Variants in TTC14 observed in about 807,000 individuals in gnomAD.
The protein encoded by TTC14 is tetratricopeptide repeat domain 14, also known as tetratricopeptide repeat protein 14.
A neutral mutation model predicts 79.9 loss-of-function variants in TTC14; 63 were observed. The observed-to-expected ratio is 0.79, with a 90% CI of 0.64 to 0.97. The LOEUF is 0.97. Ranked by LOEUF, TTC14 falls within the 50% of genes least tolerant of loss-of-function variation. TTC14 has a pLI of 0.00. For missense variants in TTC14, 895 were observed against 894.0 expected (o/e 1.00, Z -0.01); for synonymous variants, 335 against 309.6 (o/e 1.08, Z -0.86).
chr3:180,604,155 A>G (rs527598822), intron 3 of TTC14, 70 bp from the exon 4 acceptor site: 1 of 1,343,634 alleles, frequency 7.4e-7, no homozygotes, highest in South Asian at 1.2e-5. Flanking sequence ...CCAAACAACT[A>G]AGATAAAAGA....
Position 180,602,903 on chromosome 3 carries a change from A to G in TTC14, c.174A>G (p.Arg58=). The change falls in exon 2 of 12, where the codon AGA becomes AGG. Residue 58 remains arginine, a synonymous_variant. Transcript: ENST00000296015. ...TTTTCTTTTTAAGAAAAGAGAAGAG[A>G]GTTGACAACATCGAGATACAGAAAT... The part of the protein sequence containing the change: ...QHPLQGRKEK[R]VDNIEIQKFI... 4 of 1,611,002 alleles carry G rather than the reference A, an allele frequency of 2.5e-6. No homozygotes were observed. The highest frequency in any genetic ancestry group is 3.4e-6 in the Non-Finnish European group (4 of 1,179,274).
downstream of TTC14, chr3:180,615,176 G>A: frequency 2.3e-6 from 2 of 862,992 alleles, no homozygotes; most frequent in Non-Finnish European, 3.4e-6. Flanking sequence ...CATAAGTAAA[G>A]ACATCAAAAA....
Position 180,604,875 on chromosome 3 carries a change from A to G in TTC14, c.725A>G (p.Asn242Ser), listed in dbSNP as rs556435191. 12 of 1,612,482 alleles carry G rather than the reference A, an allele frequency of 7.4e-6. No homozygotes were observed. The Admixed American group carries it at 1.2e-4, about 16-fold the overall frequency. ...YYRRSVELNS[N>S]SLESYENVMQ... ...AGGAGAAGTGTTGAGCTAAATAGCA[A>G]TTCTTTGGAGTCCTATGAAAATGTC... The change falls in exon 6 of 12, where the codon AAT becomes AGT. Residue 242 changes from asparagine (N) to serine (S), a missense_variant. Coordinates refer to ENST00000296015, the MANE Select transcript of TTC14 (RefSeq NM_133462.4).
rs200127188 is a variant in TTC14, at chr3:180,602,250, C to T, written c.-12C>T. 23 of 1,613,370 alleles carry T rather than the reference C, an allele frequency of 1.4e-5. No individual in the cohort carries two copies. Among genetic ancestry groups the T allele is most frequent in the Non-Finnish European group, 1.8e-5 (21 of 1,179,740 alleles). ...TCAGCCCGTCGGCCTCCGGGCCCTG[C>T]ATTCTCTAGCCATGGACCGGGACCT... On this transcript the variant is annotated 5_prime_UTR_variant, in exon 1 of 12. Transcript: ENST00000296015.
rs1191134855 is a variant in TTC14 at position 180,609,810 on chromosome 3, G to C, written c.1581G>C (p.Gln527His). 2 of 1,613,740 alleles carry C rather than the reference G, an allele frequency of 1.2e-6. No individual in the cohort carries two copies. The highest frequency in any genetic ancestry group is 1.7e-5 in the Admixed American group (1 of 59,948). The change falls in exon 12 of 12, where the codon CAG (glutamine) becomes CAC (histidine). Residue 527 changes from glutamine (Q) to histidine (H), a missense_variant. Physicochemically the swap from Gln to His is conservative, Grantham distance 24 (BLOSUM62 0). Transcript: ENST00000296015. ...ATTCATCTAGGGCATCCTCAAATCA[G>C]ATAGATCAGAATAGGAAAGATGAGT... is the stretch of plus-strand genomic sequence containing the variant. ...RRHSSRASSN[Q>H]IDQNRKDECY... is the part of the protein sequence containing the mutation.
chr3:180,602,432 C>A lies in TTC14; in HGVS notation c.161+10C>A. 6.3e-7 allele frequency: 1 copy of A among 1,594,090 alleles called. No individual in the cohort carries two copies. Among genetic ancestry groups the A allele is most frequent in the Non-Finnish European group, 8.5e-7 (1 of 1,175,220 alleles). Reference sequence around the variant, plus strand: ...ACCCGTTGCAGGGCAGGTAATGAGACGTTGGTGCCACTGCGCCACGGAAGA... The same window carrying A: ...ACCCGTTGCAGGGCAGGTAATGAGAAGTTGGTGCCACTGCGCCACGGAAGA... On this transcript the variant is annotated intron_variant, in intron 1 of 11. Transcript: ENST00000296015.
chr3:180,604,091 T>C (rs924992386), intron 3 of TTC14, 134 bp from the exon 4 acceptor site: 5 of 775,660 alleles, frequency 6.4e-6, no homozygotes, highest in Admixed American at 2.4e-5. Flanking sequence ...TACTTTTAAC[T>C]AAATCCTTAT....
At chr3:180,613,560 G>A (rs547789014), downstream of TTC14, among the ~76,000 whole-genome samples, 14 of 152,260 alleles carry the variant, frequency 9.2e-5, no homozygotes, top group African/African-American at 2.6e-4. Flanking sequence ...CGGTAAACTT[G>A]TAGGTAACTT....
downstream of TTC14, chr3:180,614,740 T>A: frequency 7.4e-6 from 4 of 536,934 alleles, no homozygotes; most frequent in Non-Finnish European, 1.3e-5. Context: ...TATTAATTTC[T>A]TCAGTATGAA....
chr3:180,610,543 T>A lies in TTC14; in HGVS notation c.*1T>A. ...AAAAGGAAATAAGTCAAAAAATTAA[T>A]ACACCAAGGATATCGGCACCATTAC... On this transcript the variant is annotated 3_prime_UTR_variant, in exon 12 of 12. Coordinates refer to ENST00000296015, the MANE Select transcript of TTC14 (RefSeq NM_133462.4). 6 of 1,562,544 alleles carry A rather than the reference T, an allele frequency of 3.8e-6. No homozygotes were observed. The highest frequency in any genetic ancestry group is 3.4e-6 in the Non-Finnish European group (4 of 1,161,434).
Position 180,607,660 on chromosome 3 carries a change from A to G in TTC14, c.1185A>G (p.Glu395=), listed in dbSNP as rs185076469. ...CTTTCAAATTTAGGTTAGAAGAAGA[A>G]GAAAAGTTTTTAAATGCTGAAAGTT... ...LVERGGQLEE[E]EKFLNAESYY... The change falls in exon 10 of 12, where the codon GAA becomes GAG. Residue 395 remains glutamate (E), a synonymous_variant. Transcript: ENST00000296015. The G allele has an allele frequency of 5.8e-5, 93 of 1,601,040 alleles. No homozygotes were observed. The highest frequency in any genetic ancestry group is 4.3e-6 in the Non-Finnish European group (5 of 1,176,246).
chr3:180,607,583 C>A, intron 9 of TTC14, 65 bp from the exon 10 acceptor site: 1 of 1,533,346 alleles, frequency 6.5e-7, no homozygotes, highest in Admixed American at 2.1e-5. Context: ...AGCCTTTGAC[C>A]TGTATGCATA....
chr3:180,602,303 G>A lies in TTC14; in HGVS notation c.42G>A (p.Gly14=). 2 of 1,614,022 alleles carry A rather than the reference G, an allele frequency of 1.2e-6. No individual in the cohort carries two copies. Among genetic ancestry groups the A allele is most frequent in the Non-Finnish European group, 8.5e-7 (1 of 1,180,026 alleles). The change falls in exon 1 of 12, where the codon GGG becomes GGA. Residue 14 remains glycine, a synonymous_variant. Transcript: ENST00000296015. The part of the protein sequence containing the change: ...DLLRQSLNCH[G]SSLLSLLRSE... ...TGCGGCAGTCGCTAAATTGCCACGG[G>A]TCGTCTTTGCTCTCTCTACTTCGGA...
downstream of TTC14, chr3:180,617,864 G>C (rs1717305496): frequency 6.0e-6 from 1 of 167,112 alleles, no homozygotes. Flanking sequence ...GTCTACAGTA[G>C]TGTTCAGCAA....
In TTC14 at chr3:180,604,368, A is replaced by C. The variant is rs1338407010; in HGVS notation, c.571+59A>C. The stretch of plus-strand genomic sequence containing the variant: ...TGATTGTTGAATTTTTGTTTTTATT[A>C]ATTTAAAAAAATACAGTCTAAGAGG... On this transcript the variant is annotated intron_variant, in intron 4 of 11. Transcript: ENST00000296015. 4.5e-6 allele frequency: 7 copies of C among 1,568,488 alleles called. No individual in the cohort carries two copies. The African/African-American group carries it at 8.3e-5, about 19-fold the overall frequency.
Position 180,604,581 on chromosome 3 carries a change from C to T in TTC14, c.675C>T (p.Ser225=). 1 of 1,608,110 alleles carries T rather than the reference C, an allele frequency of 6.2e-7. No homozygotes were observed. The highest frequency in any genetic ancestry group is 8.5e-7 in the Non-Finnish European group (1 of 1,178,244). The change falls in exon 5 of 12, where the codon AGC becomes AGT. Residue 225 remains serine, a synonymous_variant. Transcript: ENST00000296015. The part of the protein sequence containing the change: ...HLSGIKLGVI[S]SEELPLYYRR... Reference sequence around the variant, plus strand: ...CTGGTATTAAATTAGGTGTAATTAGCTCTGAAGAGCTTCCTTTATACTACA... The same window carrying T: ...CTGGTATTAAATTAGGTGTAATTAGTTCTGAAGAGCTTCCTTTATACTACA...
At chr3:180,613,082 A>C (rs970128421), downstream of TTC14, among the ~76,000 whole-genome samples, 12 of 152,248 alleles carry the variant, frequency 7.9e-5, no homozygotes, top group African/African-American at 2.9e-4. Context: ...GTAAGAGAAT[A>C]GTACCTTATC....
In TTC14 at chr3:180,610,305, A is replaced by C; in HGVS notation, c.2076A>C (p.Gly692=). 6.2e-7 allele frequency: 1 copy of C among 1,613,572 alleles called. No individual in the cohort carries two copies. Among genetic ancestry groups the C allele is most frequent in the Non-Finnish European group, 8.5e-7 (1 of 1,179,812 alleles). ...VEKYKKYAHS[G]SRDFSRHEQR... is the part of the protein sequence containing the mutation. ...AATACAAAAAATACGCTCACTCTGG[A>C]TCACGTGATTTCAGTAGACATGAGC... Residue 692 remains glycine (G), a synonymous_variant, in exon 12 of 12, where the codon GGA becomes GGC. Coordinates refer to ENST00000296015, the MANE Select transcript of TTC14 (RefSeq NM_133462.4).
In TTC14 at chr3:180,602,181, C is replaced by CA. The variant is rs1293138407; in HGVS notation, c.-81_-80insA. On this transcript the variant is annotated 5_prime_UTR_variant, in exon 1 of 12. Coordinates refer to ENST00000296015, the MANE Select transcript of TTC14 (RefSeq NM_133462.4). ...AGCCTCCAGACAGTTTCTTCCGCTT[C>CA]CTGTACCACCCGGCTCAAGTAGCGG... The CA allele has an allele frequency of 2.1e-5, 33 of 1,548,886 alleles. No individual in the cohort carries two copies. The East Asian group carries it at 7.2e-4, about 34-fold the overall frequency.
Sources: gnomAD v4.1 joint callset for allele counts (sites outside exome capture counted in the v4.1 genomes callset) on GRCh38, gnomAD v4.1.1 for gene constraint, MANE v1.5 for transcripts, NCBI Gene and HGNC (gene_info 2026-07-23, HGNC 2026-07-21) for gene names.